AGBL4: variants seen among roughly 807,000 people sequenced by gnomAD.
AGBL4 encodes AGBL carboxypeptidase 4.
Under a neutral mutation model 66.4 loss-of-function variants are expected in AGBL4, and 58 were observed. The ratio of observed to expected loss-of-function variants is 0.87; its 90% CI spans 0.71 to 1.09. AGBL4 has a LOEUF of 1.09. Ranked by LOEUF, AGBL4 falls within the 50% of genes least tolerant of loss-of-function variation. AGBL4 has a pLI of 0.00. For missense variants in AGBL4, 579 were observed against 631.0 expected (o/e 0.92, Z 0.88); for synonymous variants, 234 against 222.9 (o/e 1.05, Z -0.44).
intron 1 of AGBL4, among the ~76,000 whole-genome samples, chr1:49,865,612 CAA>C (rs1646680978): frequency 6.6e-6 from 1 of 152,116 alleles, no homozygotes; most frequent in Non-Finnish European, 1.5e-5. Context: ...TCATCATCCT[CAA>C]AGATAGAAAC....
At chr1:49,425,543 T>C (rs1384304807) in intron 3 of AGBL4, among the ~76,000 whole-genome samples, 1 of 152,236 alleles carries the variant, frequency 6.6e-6, no homozygotes, top group Non-Finnish European at 1.5e-5. Flanking sequence ...AGCTCAATAC[T>C]AGCTTTCGGA....
chr1:49,768,285 T>G (rs1643949634), intron 2 of AGBL4, among the ~76,000 whole-genome samples: 1 of 152,096 alleles, frequency 6.6e-6, no homozygotes, highest in African/African-American at 2.4e-5. Flanking sequence ...AAAAAAAAAT[T>G]AACAAACTGA....
At chr1:49,534,847 A>C (rs534936510) in intron 3 of AGBL4, among the ~76,000 whole-genome samples, 1 of 152,272 alleles carries the variant, frequency 6.6e-6, no homozygotes, top group Admixed American at 6.5e-5. Context: ...AGTTCACGGT[A>C]CTGCTGATGG....
chr1:49,539,098 G>A (rs1435996247), intron 3 of AGBL4, among the ~76,000 whole-genome samples: 1 of 151,990 alleles, frequency 6.6e-6, no homozygotes, highest in African/African-American at 2.4e-5. Context: ...TCCTTAAAGA[G>A]TTATGATATG....
intron 4 of AGBL4, among the ~76,000 whole-genome samples, chr1:49,079,822 A>G (rs968954684): frequency 3.9e-5 from 6 of 152,218 alleles, no homozygotes; most frequent in African/African-American, 1.2e-4. Flanking sequence ...ATCCTTGCCA[A>G]GTAGCACCCA....
At chr1:49,034,792 A>C (rs546513037) in intron 5 of AGBL4, among the ~76,000 whole-genome samples, 2 of 152,114 alleles carry the variant, frequency 1.3e-5, no homozygotes, top group South Asian at 4.2e-4. Flanking sequence ...AAGTTTCCTG[A>C]GGCCTACCAG....
chr1:48,860,592 T>C (rs890912814), intron 6 of AGBL4, among the ~76,000 whole-genome samples: 2 of 152,208 alleles, frequency 1.3e-5, no homozygotes, highest in Non-Finnish European at 2.9e-5. Context: ...AAAAGGCTGC[T>C]GCATAACTTT....
the AGBL4 span, among the ~76,000 whole-genome samples, chr1:48,527,539 G>A: frequency 6.6e-6 from 1 of 151,596 alleles, no homozygotes; most frequent in Non-Finnish European, 1.5e-5. Context: ...AGAGATTGCA[G>A]TGAGCTGAGA....
intron 2 of AGBL4, among the ~76,000 whole-genome samples, chr1:49,787,065 C>T (rs932179305): frequency 6.6e-6 from 1 of 152,196 alleles, no homozygotes; most frequent in Non-Finnish European, 1.5e-5. Context: ...CCCTAAGTCC[C>T]CCCTGTAACA....
At chr1:48,809,405 T>C (rs1646000364) in intron 6 of AGBL4, among the ~76,000 whole-genome samples, 1 of 152,148 alleles carries the variant, frequency 6.6e-6, no homozygotes, top group Non-Finnish European at 1.5e-5. Flanking sequence ...TTTCTCCTGG[T>C]GGACAGTGAG....
chr1:48,938,687 G>A (rs994437344), intron 5 of AGBL4, among the ~76,000 whole-genome samples: 6 of 152,126 alleles, frequency 3.9e-5, no homozygotes, highest in Admixed American at 2.0e-4. Flanking sequence ...GTATATGTAC[G>A]TAACTTTGCA....
At position 49,706,880 on chromosome 1, in the gene AGBL4, C is replaced by G. The variant is rs191658291; in HGVS notation, c.158-9443G>C. ...TGAGTGAGTATCTTAATCTTGAACT[C>G]TAATTTGATTGCACTGTGGTCTGAA... On this transcript the variant is annotated intron_variant, in intron 2 of 13. Transcript: ENST00000371839. 7.5e-4 allele frequency among the ~76,000 whole-genome samples: 114 copies of G among 152,290 alleles called. 1 individual carries two copies. The East Asian group carries it at 8.7e-3, about 12-fold the overall frequency.
chr1:49,126,889 T>C (rs995044853), intron 4 of AGBL4, among the ~76,000 whole-genome samples: 1 of 152,156 alleles, frequency 6.6e-6, no homozygotes, highest in African/African-American at 2.4e-5. Flanking sequence ...AGTGATTTAT[T>C]TCACAAACCA....
intron 6 of AGBL4, among the ~76,000 whole-genome samples, chr1:48,865,826 C>T (rs1648010188): frequency 6.6e-6 from 1 of 152,010 alleles, no homozygotes; most frequent in Non-Finnish European, 1.5e-5. Flanking sequence ...GAACAGGATG[C>T]AATTAAAAGC....
chr1:48,861,141 A>G (rs1016118605), intron 6 of AGBL4, among the ~76,000 whole-genome samples: 1 of 152,214 alleles, frequency 6.6e-6, no homozygotes, highest in East Asian at 1.9e-4. Context: ...ACAGAAAAAA[A>G]TCTAGACTAG....
chr1:49,331,702 G>C (rs1645338041), intron 3 of AGBL4, among the ~76,000 whole-genome samples: 1 of 151,986 alleles, frequency 6.6e-6, no homozygotes, highest in Admixed American at 6.5e-5. Flanking sequence ...CACCTTTGTT[G>C]TTTGGATGAC....
chr1:49,569,147 A>G (rs549034955), intron 3 of AGBL4, among the ~76,000 whole-genome samples: 1 of 152,252 alleles, frequency 6.6e-6, no homozygotes, highest in Admixed American at 6.5e-5. Context: ...CAAACATCAC[A>G]TGTTCTCATT....
Position 48,558,692 on chromosome 1 carries a change from A to T in AGBL4, c.1268-18954T>A, listed in dbSNP as rs143881563. 1.2e-3 allele frequency among the ~76,000 whole-genome samples: 182 copies of T among 152,344 alleles called. 2 individuals are homozygous for T. Among genetic ancestry groups the T allele is most frequent in the Non-Finnish European group, 2.8e-4 (19 of 68,032 alleles). On this transcript the variant is annotated intron_variant, in intron 11 of 13. Transcript: ENST00000371839. ...TTGAATAATGAAGCCAATGCCCAAG[A>T]AACAGTGCTGAGCGGTTGAGGACAG...
intron 4 of AGBL4, among the ~76,000 whole-genome samples, chr1:49,062,403 C>T (rs2147913924): frequency 6.6e-6 from 1 of 152,278 alleles, no homozygotes; most frequent in South Asian, 2.1e-4. Context: ...TACTATTGCT[C>T]TTCTTTGTTC....
Sources: gnomAD v4.1 joint callset for allele counts (sites outside exome capture counted in the v4.1 genomes callset) on GRCh38, gnomAD v4.1.1 for gene constraint, MANE v1.5 for transcripts, NCBI Gene and HGNC (gene_info 2026-07-23, HGNC 2026-07-21) for gene names.